Variants in KDM6A observed in about 807,000 individuals in gnomAD.
KDM6A encodes the protein lysine-specific demethylase 6A.
Under a neutral mutation model 117.6 loss-of-function variants are expected in KDM6A, and 11 were observed. The ratio of observed to expected loss-of-function variants is 0.09; its 90% confidence interval spans 0.06 to 0.15. The LOEUF (loss-of-function observed/expected upper bound fraction) is 0.15, where lower values mean the gene tolerates loss of function less well. Among genes scored for constraint, KDM6A ranks in the 10% least tolerant of loss-of-function variants. The pLI is 1.00. For synonymous variants in KDM6A, 384 were observed against 396.1 expected (o/e 0.97, Z 0.36); for missense variants, 799 against 1,077.3 (o/e 0.74, Z 3.62).
At chrX:45,080,713 C>G (rs1386820643) in intron 21 of KDM6A, among the ~76,000 whole-genome samples, 1 of 112,221 alleles carries the variant, frequency 8.9e-6, no homozygotes, top group Non-Finnish European at 1.9e-5. Context: ...TATCCTGTGA[C>G]TTTACTGAGT....
chrX:45,048,694 C>T (rs950940896), intron 8 of KDM6A, among the ~76,000 whole-genome samples: 6 of 108,400 alleles, frequency 5.5e-5, no homozygotes, highest in African/African-American at 2.0e-4. Flanking sequence ...AAGGGAGTTA[C>T]TCATCTAGTG....
At chrX:44,881,420 A>G (rs747422344) in intron 2 of KDM6A, among the ~76,000 whole-genome samples, 1 of 112,192 alleles carries the variant, frequency 8.9e-6, no homozygotes, top group South Asian at 3.7e-4. Flanking sequence ...CGACAGAGCA[A>G]GACACCATCT....
chrX:44,981,644 T>C lies in KDM6A; in HGVS notation c.384+6929T>C, dbSNP rs73490918. ...GAATGGGGCTGAAAAGTCCCAACGTTCTAATCATGCTTTGCTCTTTGCTGT... is the reference window on the plus strand; with the variant it reads ...GAATGGGGCTGAAAAGTCCCAACGTCCTAATCATGCTTTGCTCTTTGCTGT... On this transcript the variant is annotated intron_variant, in intron 4 of 29. Transcript: ENST00000611820. Among the ~76,000 whole-genome samples the C allele has an allele frequency of 6.1e-3, 682 of 111,677 alleles. 7 individuals are homozygous for C. Among genetic ancestry groups the C allele is most frequent in the African/African-American group, 0.021 (652 of 30,724 alleles).
Position 45,035,496 on chromosome X carries a change from G to A in KDM6A, c.619+511G>A, listed in dbSNP as rs901840554. 2.0e-4 allele frequency among the ~76,000 whole-genome samples: 22 copies of A among 110,874 alleles called. No homozygotes were observed. The Admixed American group carries it at 2.0e-3, about 10-fold the overall frequency. Reference sequence around the variant, plus strand: ...CATTTACGAAGCATGTTCTAACAAAGTATTTTTTTCCAAACAATTATTTTC... The same window carrying A: ...CATTTACGAAGCATGTTCTAACAAAATATTTTTTTCCAAACAATTATTTTC... On this transcript the variant is annotated intron_variant, in intron 7 of 29. Coordinates refer to ENST00000611820, the MANE Select transcript of KDM6A (RefSeq NM_001291415.2).
intron 4 of KDM6A, among the ~76,000 whole-genome samples, chrX:44,982,218 T>G (rs930897734): frequency 5.4e-5 from 6 of 112,146 alleles, no homozygotes; most frequent in Non-Finnish European, 9.4e-5. Flanking sequence ...GAACAGTGTT[T>G]CAGTTTGAAA....
intron 11 of KDM6A, 57 bp from the exon 12 acceptor site, chrX:45,059,190 T>C: frequency 8.4e-7 from 1 of 1,183,909 alleles, no homozygotes; most frequent in Non-Finnish European, 1.1e-6. Flanking sequence ...TTTAAATCAT[T>C]ATAAAACCAA....
rs1013995659 is a variant in KDM6A at position 45,059,274 on chromosome X, C to T, written c.1002C>T (p.Pro334=). ...IGVLYQQQNQ[P]MDALQAYICA... is the part of the protein sequence containing the mutation. The stretch of plus-strand genomic sequence containing the variant: ...TGCTATATCAGCAGCAAAATCAGCC[C>T]ATGGATGCTTTACAGGCCTATATTT... The change falls in exon 12 of 30, where the codon CCC becomes CCT. Residue 334 remains proline, a synonymous_variant. Coordinates refer to ENST00000611820, the MANE Select transcript of KDM6A (RefSeq NM_001291415.2). 8.3e-7 allele frequency: 1 copy of T among 1,210,900 alleles called. No homozygotes were observed. Among genetic ancestry groups the T allele is most frequent in the Non-Finnish European group, 1.1e-6 (1 of 895,134 alleles).
In KDM6A at chrX:45,034,886, T is replaced by C. The variant is rs775621180; in HGVS notation, c.565-45T>C. ...AAAAGTATCTTAAGATGCTTTTGTG[T>C]GACTCTAAATTGACTGCATTAATTT... On this transcript the variant is annotated intron_variant, in intron 6 of 29. Transcript: ENST00000611820. The C allele has an allele frequency of 1.6e-5, 17 of 1,061,816 alleles. No individual in the cohort carries two copies. The Admixed American group carries it at 3.7e-4, about 23-fold the overall frequency. 87.5% of individuals were successfully genotyped at this position (1,061,816 alleles called of 1,213,427 possible).
intron 2 of KDM6A, among the ~76,000 whole-genome samples, chrX:44,901,962 C>T (rs1247289701): frequency 1.8e-5 from 2 of 112,572 alleles, no homozygotes; most frequent in Admixed American, 1.9e-4. Context: ...TGTGGTGGCT[C>T]ATGCCTGTAA....
chrX:44,918,091 CTG>C (rs2035674592), intron 2 of KDM6A, among the ~76,000 whole-genome samples: 1 of 111,544 alleles, frequency 9.0e-6, no homozygotes, highest in South Asian at 3.7e-4. Context: ...CTTCCAGAAA[CTG>C]TGTTGGCTTG....
chrX:44,994,781 A>G (rs747643091), intron 4 of KDM6A, among the ~76,000 whole-genome samples: 4 of 111,119 alleles, frequency 3.6e-5, no homozygotes, highest in East Asian at 5.7e-4. Flanking sequence ...TCGTTCCCCT[A>G]TTGGCTAGGG....
intron 2 of KDM6A, among the ~76,000 whole-genome samples, chrX:44,939,934 T>C (rs1324914243): frequency 8.9e-6 from 1 of 112,756 alleles, no homozygotes; most frequent in African/African-American, 3.2e-5. Flanking sequence ...ATTGTTAACA[T>C]AATTTTTATA....
At chrX:45,079,493 G>GTATGTATA (rs1486339986) in intron 21 of KDM6A, 142 bp downstream of exon 21, 2 of 466,594 alleles carry the variant, frequency 4.3e-6, no homozygotes, top group Non-Finnish European at 7.4e-6. Context: ...CAGTTGTCTC[G>GTATGTATA]TATGTATATA....
chrX:45,021,162 A>G (rs1456974168), intron 6 of KDM6A, among the ~76,000 whole-genome samples: 1 of 107,226 alleles, frequency 9.3e-6, no homozygotes, highest in Non-Finnish European at 1.9e-5. Context: ...AGCACATCTT[A>G]TATTTAAATT....
At chrX:45,072,301 A>G (rs1046443452) in intron 18 of KDM6A, among the ~76,000 whole-genome samples, 1 of 111,457 alleles carries the variant, frequency 9.0e-6, no homozygotes, top group Non-Finnish European at 1.9e-5. Flanking sequence ...GTCTTACAAG[A>G]TTTTTTAAGG....
Position 45,060,081 on chromosome X carries a change from T to C in KDM6A, c.1254T>C (p.Ser418=). ...SLQNKTKLLP[S]IEEAWSLPIP... ...AGAATAAAACTAAATTACTTCCTAG[T>C]ATTGAGGAGGCGTGGAGCCTACCAA... Residue 418 remains serine (S), a synonymous_variant, in exon 13 of 30, where the codon AGT becomes AGC. Transcript: ENST00000611820. 8.3e-6 allele frequency: 10 copies of C among 1,210,599 alleles called. No homozygotes were observed. The highest frequency in any genetic ancestry group is 1.1e-5 in the Non-Finnish European group (10 of 894,936).
chrX:44,898,526 A>G (rs1449441402), intron 2 of KDM6A, among the ~76,000 whole-genome samples: 1 of 111,435 alleles, frequency 9.0e-6, no homozygotes, highest in Non-Finnish European at 1.9e-5. Flanking sequence ...CTGTGTGTGC[A>G]GGAGGGAGGT....
intron 9 of KDM6A, 28 bp from the exon 10 acceptor site, chrX:45,053,801 G>GT: frequency 8.8e-7 from 1 of 1,137,301 alleles, no homozygotes; most frequent in Non-Finnish European, 1.2e-6. Context: ...AGTCATTTAT[G>GT]TAAATTTTTT....
chrX:44,897,155 T>A lies in KDM6A; in HGVS notation c.225+23168T>A, dbSNP rs1450980906. On this transcript the variant is annotated intron_variant, in intron 2 of 29. Coordinates refer to ENST00000611820, the MANE Select transcript of KDM6A (RefSeq NM_001291415.2). ...GCTTTGTTCTTTTTTTTTTTTTTTTTAGTCTGTTTTCTCTCTTGTTTAGAT... is the reference window on the plus strand; with the variant it reads ...GCTTTGTTCTTTTTTTTTTTTTTTTAAGTCTGTTTTCTCTCTTGTTTAGAT... Among the ~76,000 whole-genome samples, 18 of 106,067 alleles carry A rather than the reference T, an allele frequency of 1.7e-4. No homozygotes were observed. The Admixed American group carries it at 1.7e-3, about 10-fold the overall frequency. 92.1% of individuals were successfully genotyped at this position (106,067 alleles called of 115,157 possible). A position where few individuals can be genotyped will look rare whatever the true frequency, so the allele number is the denominator to read the frequency against.
Sources: allele counts gnomAD v4.1 joint callset (sites outside exome capture counted in the v4.1 genomes callset), GRCh38; gene constraint gnomAD v4.1.1; transcripts MANE v1.5; gene names NCBI Gene and HGNC (gene_info 2026-07-23, HGNC 2026-07-21).